The following ADK variants were observed in gnomAD, a reference collection of about 807,000 sequenced individuals.
ADK encodes the protein N6,N6-dimethyladenosine kinase.
ADK carries 24 observed loss-of-function variants against 44.7 expected under a neutral mutation model. The observed-to-expected ratio is 0.54, with a 90% CI of 0.39 to 0.76. ADK has a LOEUF of 0.76. Ranked by LOEUF, ADK falls within the 30% of genes least tolerant of loss-of-function variation. The pLI is 0.00. For missense variants in ADK, 321 were observed against 425.1 expected, an observed-to-expected ratio of 0.76 and a Z score of 2.15; for synonymous variants, 128 against 142.6, an observed-to-expected ratio of 0.90 and a Z score of 0.73.
chr10:74,366,754 A>G (rs1481611020), intron 4 of ADK, among the ~76,000 whole-genome samples: 1 of 152,012 alleles, frequency 6.6e-6, no homozygotes, highest in Admixed American at 6.6e-5. Flanking sequence ...ACATGGTGAA[A>G]CCCCATCTCT....
At chr10:74,327,100 A>G (rs144869220) in intron 4 of ADK, among the ~76,000 whole-genome samples, 31 of 151,722 alleles carry the variant, frequency 2.0e-4, no homozygotes, top group Non-Finnish European at 3.5e-4. Flanking sequence ...TTGTTTTTCT[A>G]GTCCCTTGAG....
At chr10:74,479,975 T>C (rs1183812412) in intron 6 of ADK, among the ~76,000 whole-genome samples, 2 of 152,096 alleles carry the variant, frequency 1.3e-5, no homozygotes, top group Non-Finnish European at 2.9e-5. Flanking sequence ...AACAGTCCTG[T>C]GTTTGAGTTT....
intron 6 of ADK, among the ~76,000 whole-genome samples, chr10:74,400,695 A>G (rs1843674043): frequency 6.6e-6 from 1 of 152,234 alleles, no homozygotes; most frequent in African/African-American, 2.4e-5. Context: ...GGTTTAAGAA[A>G]TTAAAGTTCT....
rs1852722554 is a variant in ADK at position 74,615,575 on chromosome 10, C to T, written c.877+15082C>T. ...TCTACCAATATTTGCTACTATCCAT[C>T]TTTTTAATTTTAGCCATTCTGGTGA... On this transcript the variant is annotated intron_variant, in intron 9 of 10. Coordinates refer to ENST00000539909, the MANE Select transcript of ADK (RefSeq NM_006721.4). Among the ~76,000 whole-genome samples, 4 of 152,270 alleles carry T rather than the reference C, an allele frequency of 2.6e-5. No homozygotes were observed. The South Asian group carries it at 8.3e-4, about 32-fold the overall frequency.
At chr10:74,561,568 G>A (rs771262394) in intron 7 of ADK, among the ~76,000 whole-genome samples, 3 of 152,164 alleles carry the variant, frequency 2.0e-5, no homozygotes, top group Non-Finnish European at 2.9e-5. Context: ...TAATGTATGT[G>A]TTCCTAATCC....
At chr10:74,681,233 C>A (rs565228148) in intron 10 of ADK, among the ~76,000 whole-genome samples, 5 of 152,130 alleles carry the variant, frequency 3.3e-5, no homozygotes, top group Non-Finnish European at 7.4e-5. Context: ...AGTAGTGAAA[C>A]TCTTTTCAAA....
intron 4 of ADK, among the ~76,000 whole-genome samples, chr10:74,388,621 G>A (rs1042300701): frequency 2.0e-5 from 3 of 151,766 alleles, no homozygotes; most frequent in Non-Finnish European, 2.9e-5. Flanking sequence ...TGGTGGTATT[G>A]TAAATATTGT....
At chr10:74,262,313 CAAAA>C (rs35282438) in intron 3 of ADK, among the ~76,000 whole-genome samples, 2 of 107,640 alleles carry the variant, frequency 1.9e-5, no homozygotes, top group East Asian at 2.9e-4. Context: ...GACTTCATCT[CAAAA>C]AAAAAAAAAA....
intron 6 of ADK, among the ~76,000 whole-genome samples, chr10:74,411,861 C>T (rs1359265748): frequency 6.6e-6 from 1 of 152,156 alleles, no homozygotes; most frequent in Non-Finnish European, 1.5e-5. Flanking sequence ...TATGTTTATG[C>T]AGTATTCTGA....
At chr10:74,322,936 G>A (rs561113335) in intron 4 of ADK, among the ~76,000 whole-genome samples, 74 of 152,074 alleles carry the variant, frequency 4.9e-4, no homozygotes, top group African/African-American at 1.7e-3. Flanking sequence ...TTCTGTCTTA[G>A]CAGTTATGGT....
In ADK at chr10:74,525,243, T is replaced by C; in HGVS notation, c.556-13T>C. ...TGGTATTTCTAATTTTCCCTCCTTT[T>C]TTCTTCATCCAGGGCTTTTTTCTTA... On this transcript the variant is annotated splice_polypyrimidine_tract_variant and intron_variant, in intron 6 of 10. Coordinates refer to ENST00000539909, the MANE Select transcript of ADK (RefSeq NM_006721.4). The C allele has an allele frequency of 6.2e-7, 1 of 1,613,388 alleles. No homozygotes were observed. Among genetic ancestry groups the C allele is most frequent in the South Asian group, 1.1e-5 (1 of 91,064 alleles).
chr10:74,562,206 T>A lies in ADK; in HGVS notation c.727-27076T>A, dbSNP rs1850487644. ...TACAGGGGAAGTAGAAGGACATTAG[T>A]CATGTTTTTTTCTTCATGACCCACT... is the stretch of plus-strand genomic sequence containing the variant. On this transcript the variant is annotated intron_variant, in intron 7 of 10. Coordinates refer to ENST00000539909, the MANE Select transcript of ADK (RefSeq NM_006721.4). 2.0e-5 allele frequency among the ~76,000 whole-genome samples: 3 copies of A among 152,174 alleles called. No individual in the cohort carries two copies. The South Asian group carries it at 6.2e-4, about 32-fold the overall frequency.
intron 10 of ADK, among the ~76,000 whole-genome samples, chr10:74,694,785 A>T (rs1313806025): frequency 6.6e-6 from 1 of 152,048 alleles, no homozygotes; most frequent in Non-Finnish European, 1.5e-5. Flanking sequence ...CCCAGCCAGA[A>T]GTTTTCATTT....
intron 4 of ADK, among the ~76,000 whole-genome samples, chr10:74,384,694 A>G (rs1159973125): frequency 6.6e-6 from 1 of 151,982 alleles, no homozygotes; most frequent in African/African-American, 2.4e-5. Flanking sequence ...ATAAATAACA[A>G]TGGGTATATA....
chr10:74,642,359 A>ATTTTT (rs59316334), intron 9 of ADK, among the ~76,000 whole-genome samples: 1 of 134,140 alleles, frequency 7.5e-6, no homozygotes, highest in African/African-American at 2.8e-5. Flanking sequence ...GATGCACTCA[A>ATTTTT]TTTTTTTTTT....
At chr10:74,553,409 C>T (rs1400228880) in intron 7 of ADK, among the ~76,000 whole-genome samples, 1 of 151,824 alleles carries the variant, frequency 6.6e-6, no homozygotes, top group Non-Finnish European at 1.5e-5. Context: ...CCATGTTGGC[C>T]AGGATGGTCT....
chr10:74,340,464 A>G (rs907413025), intron 4 of ADK, among the ~76,000 whole-genome samples: 1 of 152,112 alleles, frequency 6.6e-6, no homozygotes, highest in Non-Finnish European at 1.5e-5. Context: ...TAATTTGACA[A>G]CTCTGAATAT....
At chr10:74,403,041 C>T (rs1398901143) in intron 6 of ADK, among the ~76,000 whole-genome samples, 1 of 152,172 alleles carries the variant, frequency 6.6e-6, no homozygotes, top group Admixed American at 6.5e-5. Context: ...GCCTGGCTAT[C>T]ACCAGCAGAG....
chr10:74,316,134 G>A (rs1840610300), intron 4 of ADK, among the ~76,000 whole-genome samples: 1 of 151,954 alleles, frequency 6.6e-6, no homozygotes, highest in African/African-American at 2.4e-5. Flanking sequence ...CAGCTACTTG[G>A]GAGGCTGAGG....
Sources: gnomAD v4.1 joint callset for allele counts (sites outside exome capture counted in the v4.1 genomes callset) on GRCh38, gnomAD v4.1.1 for gene constraint, MANE v1.5 for transcripts, NCBI Gene and HGNC (gene_info 2026-07-23, HGNC 2026-07-21) for gene names.